The following PCNT variants were observed in gnomAD, a reference collection of about 807,000 sequenced individuals.
PCNT encodes pericentrin, also known as kendrin.
A neutral mutation model predicts 380.4 loss-of-function variants in PCNT; 319 were observed. The observed-to-expected ratio is 0.84, with a 90% CI of 0.77 to 0.92. The LOEUF is 0.92. PCNT is among the 40% of genes least tolerant of loss of function. The probability of loss-of-function intolerance (pLI) is 0.00; values close to 1 mark genes in which losing one functional copy is unlikely to be tolerated. For synonymous variants in PCNT, 1,845 were observed against 1,735.2 expected (o/e 1.06, Z -1.57); for missense variants, 4,400 against 4,255.3 (o/e 1.03, Z -0.95).
chr21:46,445,165 C>A, intron 46 of PCNT, 119 bp from the exon 47 acceptor site: 1 of 791,284 alleles, frequency 1.3e-6, no homozygotes, highest in South Asian at 1.4e-5. Context: ...CTGTATAATT[C>A]ATATTTTTAC....
Position 46,398,026 on chromosome 21 carries a change from G to A in PCNT, c.4459G>A (p.Glu1487Lys), listed in dbSNP as rs368525476. Residue 1487 changes from glutamate (E) to lysine (K), a missense_variant, in exon 23 of 47, where the codon GAG (glutamate) becomes AAG (lysine). Physicochemically the swap from Glu to Lys is moderately conservative, Grantham distance 56. Coordinates refer to ENST00000359568, the MANE Select transcript of PCNT (RefSeq NM_006031.6). ...QRQFMDEQAA[E>K]REHEREEFQQ... Reference sequence around the variant, plus strand: ...CCTCTCCTCCCAGGAGCAGGCAGCCGAGCGGGAGCACGAGCGCGAGGAGTT... The same window carrying A: ...CCTCTCCTCCCAGGAGCAGGCAGCCAAGCGGGAGCACGAGCGCGAGGAGTT... 6.9e-6 allele frequency: 11 copies of A among 1,587,908 alleles called. No homozygotes were observed. Among genetic ancestry groups the A allele is most frequent in the Middle Eastern group, 2.3e-4 (1 of 4,442 alleles).
chr21:46,374,512 CTCTCCTGG>C (rs990909314), intron 15 of PCNT, among the ~76,000 whole-genome samples: 4 of 152,156 alleles, frequency 2.6e-5, no homozygotes, highest in African/African-American at 9.7e-5. Context: ...GTGGCCACTC[CTCTCCTGG>C]TCTCCTGGTC....
rs1240951366 is a variant in PCNT at position 46,402,383 on chromosome 21, A to G, written c.5015A>G (p.Lys1672Arg). The change falls in exon 27 of 47, where the codon AAA becomes AGA. Residue 1672 changes from lysine (K) to arginine (R), a missense_variant. By Grantham distance (26) the Lys-to-Arg change is conservative. Coordinates refer to ENST00000359568, the MANE Select transcript of PCNT (RefSeq NM_006031.6). Reference protein sequence around the residue: ...LEKMKGDLESKNEEILHLNLK... With the variant: ...LEKMKGDLESRNEEILHLNLK... ...AAGATGAAAGGTGACTTAGAAAGTA[A>G]AAATGAAGAAATACTACATCTGAAC... The G allele has an allele frequency of 6.2e-6, 10 of 1,612,514 alleles. No homozygotes were observed.
At chr21:46,334,828 G>C (rs2083681723) in intron 3 of PCNT, 60 bp downstream of exon 3, 2 of 1,613,258 alleles carry the variant, frequency 1.2e-6, no homozygotes, top group South Asian at 2.2e-5. Flanking sequence ...TTATGTTGTA[G>C]AAATCCAAAC....
intron 16 of PCNT, among the ~76,000 whole-genome samples, chr21:46,382,767 C>T (rs117232363): frequency 0.074 from 7,222 of 97,482 alleles, 875 homozygotes; most frequent in Non-Finnish European, 0.09. Context: ...GCGCATTCAC[C>T]GTGTTGTATA....
At chr21:46,415,467 C>T (rs2086989925) in intron 29 of PCNT, among the ~76,000 whole-genome samples, 1 of 148,668 alleles carries the variant, frequency 6.7e-6, no homozygotes, top group African/African-American at 2.5e-5. Flanking sequence ...CTCACTGCAA[C>T]CTCCACCTCC....
rs759614231 is a variant in PCNT, at chr21:46,346,739, G to A, written c.721-4G>A. Reference sequence around the variant, plus strand: ...CCTTATCAGAGGCCTTTTCTCCGCCGCAGGCCGTGCATGGCCTTGAGCTGG... The same window carrying A: ...CCTTATCAGAGGCCTTTTCTCCGCCACAGGCCGTGCATGGCCTTGAGCTGG... On this transcript the variant is annotated splice_polypyrimidine_tract_variant and splice_region_variant and intron_variant, in intron 4 of 46. Coordinates refer to ENST00000359568, the MANE Select transcript of PCNT (RefSeq NM_006031.6). The A allele has an allele frequency of 4.4e-6, 7 of 1,594,566 alleles. No individual in the cohort carries two copies. The African/African-American group carries it at 5.3e-5, about 12-fold the overall frequency.
rs924146981 is a variant in PCNT at position 46,398,087 on chromosome 21, G to A, written c.4520G>A (p.Arg1507His). The A allele has an allele frequency of 1.1e-5, 18 of 1,596,588 alleles. No homozygotes were observed. In the East Asian group the frequency reaches 1.8e-4, roughly 16 times the overall value. Residue 1507 changes from arginine (R) to histidine (H), a missense_variant, in exon 23 of 47, where the codon CGC (arginine) becomes CAC (histidine). Arg to His is a conservative substitution (Grantham distance 29). Coordinates refer to ENST00000359568, the MANE Select transcript of PCNT (RefSeq NM_006031.6). ...QEIQRLEGQLRQAAKPQPWGP... is the reference protein window; with the variant it reads ...QEIQRLEGQLHQAAKPQPWGP... Reference sequence around the variant, plus strand: ...ATTCAGAGGCTGGAGGGGCAGCTCCGCCAGGCGGCCAAGCCGCAGCCCTGG... The same window carrying A: ...ATTCAGAGGCTGGAGGGGCAGCTCCACCAGGCGGCCAAGCCGCAGCCCTGG...
At chr21:46,363,363 G>A (rs1020341490) in intron 13 of PCNT, 117 bp from the exon 14 acceptor site, 16 of 778,838 alleles carry the variant, frequency 2.1e-5, no homozygotes, top group African/African-American at 8.5e-5. Context: ...TGTGTGCAGC[G>A]TAATGGGTGT....
At chr21:46,372,596 T>G (rs1316660680) in intron 15 of PCNT, among the ~76,000 whole-genome samples, 1 of 152,232 alleles carries the variant, frequency 6.6e-6, no homozygotes, top group Non-Finnish European at 1.5e-5. Context: ...TAGGTGATTA[T>G]GGTACATATG....
intron 29 of PCNT, among the ~76,000 whole-genome samples, chr21:46,414,489 C>T (rs2086932045): frequency 7.1e-6 from 1 of 141,754 alleles, no homozygotes; most frequent in African/African-American, 2.7e-5. Flanking sequence ...CGCCCACTCT[C>T]CTCTTCCTCC....
chr21:46,433,342 C>T (rs1171473575), intron 38 of PCNT, among the ~76,000 whole-genome samples: 4 of 152,222 alleles, frequency 2.6e-5, no homozygotes, highest in East Asian at 1.9e-4. Flanking sequence ...GGGATTGCAC[C>T]GCTGCACTTC....
intron 17 of PCNT, 29 bp downstream of exon 17, chr21:46,386,012 C>A: frequency 6.2e-7 from 1 of 1,612,770 alleles, no homozygotes; most frequent in Non-Finnish European, 8.5e-7. Flanking sequence ...CCGAGGCTGC[C>A]TTGTGGCCGC....
Position 46,427,632 on chromosome 21 carries a change from C to T in PCNT, c.7331C>T (p.Thr2444Ile). ...LHGGKTQEVP[T>I]ACPDWRGDLL... is the part of the protein sequence containing the mutation. ...TCCTTCTTCCTTTAGGAAGTGCCCACCGCGTGCCCCGATTGGAGAGGGGAC... is the reference window on the plus strand; with the variant it reads ...TCCTTCTTCCTTTAGGAAGTGCCCATCGCGTGCCCCGATTGGAGAGGGGAC... The change falls in exon 34 of 47, where the codon ACC (threonine) becomes ATC (isoleucine). Residue 2444 changes from threonine (T) to isoleucine (I), a missense_variant. Thr to Ile is a moderately conservative substitution (Grantham distance 89). Coordinates refer to ENST00000359568, the MANE Select transcript of PCNT (RefSeq NM_006031.6). The T allele has an allele frequency of 6.2e-7, 1 of 1,613,948 alleles. No individual in the cohort carries two copies. The highest frequency in any genetic ancestry group is 1.1e-5 in the South Asian group (1 of 91,080).
intron 32 of PCNT, among the ~76,000 whole-genome samples, chr21:46,422,471 G>C (rs969748146): frequency 6.6e-6 from 1 of 152,218 alleles, no homozygotes; most frequent in African/African-American, 2.4e-5. Flanking sequence ...CGAGGCACCA[G>C]ACGCCGCAGT....
intron 37 of PCNT, 153 bp from the exon 38 acceptor site, chr21:46,431,376 C>T: frequency 6.8e-7 from 1 of 1,472,928 alleles, no homozygotes; most frequent in Non-Finnish European, 9.0e-7. Flanking sequence ...GATGAACTAA[C>T]AAAAAAATGT....
chr21:46,393,333 G>T (rs981846081), intron 21 of PCNT, among the ~76,000 whole-genome samples: 10 of 152,202 alleles, frequency 6.6e-5, no homozygotes, highest in Non-Finnish European at 1.5e-4. Context: ...GGTGTTTTCA[G>T]GAACGTCTCT....
chr21:46,400,302 C>G (rs8133020), intron 25 of PCNT, among the ~76,000 whole-genome samples: 1 of 152,082 alleles, frequency 6.6e-6, no homozygotes, highest in East Asian at 1.9e-4. Context: ...TGGGCCATCT[C>G]ATGGCTGGAG....
intron 3 of PCNT, among the ~76,000 whole-genome samples, chr21:46,343,006 T>C (rs974094387): frequency 2.6e-5 from 4 of 152,228 alleles, no homozygotes; most frequent in African/African-American, 7.2e-5. Context: ...CTGATTTGTG[T>C]ATGTTGATTT....
Sources: gnomAD v4.1 joint callset for allele counts (sites outside exome capture counted in the v4.1 genomes callset) on GRCh38, gnomAD v4.1.1 for gene constraint, MANE v1.5 for transcripts, NCBI Gene and HGNC (gene_info 2026-07-23, HGNC 2026-07-21) for gene names.